QTMAN: variants seen among roughly 807,000 people sequenced by gnomAD.
QTMAN encodes queuosine-tRNA mannosyltransferase, also known as tRNA-queuosine alpha-mannosyltransferase.
chr2:144,109,262 T>A, the QTMAN span, among the ~76,000 whole-genome samples: 1 of 152,202 alleles, frequency 6.6e-6, no homozygotes, highest in African/African-American at 2.4e-5. Flanking sequence ...CCATCTGATC[T>A]TTGACAAACC....
chr2:144,185,419 G>A, the QTMAN span, among the ~76,000 whole-genome samples: 3 of 152,150 alleles, frequency 2.0e-5, no homozygotes, highest in Non-Finnish European at 4.4e-5. Context: ...TACCCTCTAA[G>A]AAGTAGATTT....
the QTMAN span, among the ~76,000 whole-genome samples, chr2:144,285,499 A>G: frequency 6.6e-6 from 1 of 152,314 alleles, no homozygotes; most frequent in East Asian, 1.9e-4. Context: ...GAGGTTAAGT[A>G]ACTGTCCCTC....
chr2:143,946,579 C>T, the QTMAN span: 2 of 153,934 alleles, frequency 1.3e-5, no homozygotes, highest in African/African-American at 4.8e-5. Context: ...CGATGATAAC[C>T]TGGCAACCTA....
At chr2:144,073,167 A>AT in the QTMAN span, among the ~76,000 whole-genome samples, 5 of 151,884 alleles carry the variant, frequency 3.3e-5, no homozygotes, top group Non-Finnish European at 7.4e-5. Context: ...ACAGCTATAT[A>AT]TTGTCACCCA....
the QTMAN span, among the ~76,000 whole-genome samples, chr2:143,964,852 G>A: frequency 6.6e-6 from 1 of 152,022 alleles, no homozygotes; most frequent in Non-Finnish European, 1.5e-5. Flanking sequence ...CAGGTTTTTG[G>A]TTTCCTTGTA....
the QTMAN span, among the ~76,000 whole-genome samples, chr2:144,209,197 A>G: frequency 6.6e-6 from 1 of 152,242 alleles, no homozygotes; most frequent in Admixed American, 6.5e-5. Context: ...AGTCTTGGAC[A>G]GTCACTGAAC....
the QTMAN span, among the ~76,000 whole-genome samples, chr2:144,242,063 T>TA: frequency 7.7e-3 from 1,168 of 151,526 alleles, 21 homozygotes; most frequent in Non-Finnish European, 8.8e-3. Context: ...AAACAAGGAG[T>TA]AAAAAGTTTC....
At chr2:144,327,045 C>T in the QTMAN span, among the ~76,000 whole-genome samples, 1 of 152,096 alleles carries the variant, frequency 6.6e-6, no homozygotes, top group African/African-American at 2.4e-5. Flanking sequence ...TTCTCCTGCC[C>T]CAAGACAGAC....
chr2:144,095,555 C>A, the QTMAN span, among the ~76,000 whole-genome samples: 4 of 152,216 alleles, frequency 2.6e-5, no homozygotes, highest in East Asian at 7.7e-4. Flanking sequence ...CTTGTCATAA[C>A]TCCTATCTCT....
the QTMAN span, among the ~76,000 whole-genome samples, chr2:144,092,932 G>A: frequency 1.3e-5 from 2 of 148,978 alleles, no homozygotes; most frequent in African/African-American, 5.0e-5. Context: ...AGTATCTGGG[G>A]AAAACCACCA....
the QTMAN span, among the ~76,000 whole-genome samples, chr2:144,243,940 G>T: frequency 6.6e-6 from 1 of 152,276 alleles, no homozygotes; most frequent in East Asian, 1.9e-4. Context: ...AAGCATTAAA[G>T]AACTTGTTTA....
the QTMAN span, among the ~76,000 whole-genome samples, chr2:144,244,272 T>G: frequency 1.3e-5 from 2 of 152,140 alleles, no homozygotes; most frequent in South Asian, 2.1e-4. Context: ...ACAACAACAT[T>G]GGGGAAGTTT....
the QTMAN span, among the ~76,000 whole-genome samples, chr2:144,181,154 T>C: frequency 6.6e-6 from 1 of 152,356 alleles, no homozygotes; most frequent in East Asian, 1.9e-4. Context: ...ACAAGACTAT[T>C]ACTGCTGGAA....
the QTMAN span, among the ~76,000 whole-genome samples, chr2:144,248,195 T>G: frequency 6.6e-6 from 1 of 152,212 alleles, no homozygotes; most frequent in Non-Finnish European, 1.5e-5. Flanking sequence ...ACATTTTATC[T>G]GTGATAGTTA....
At chr2:144,091,832 G>A in the QTMAN span, among the ~76,000 whole-genome samples, 31 of 152,086 alleles carry the variant, frequency 2.0e-4, no homozygotes, top group Non-Finnish European at 3.2e-4. Context: ...TCCATACAAC[G>A]ACATACTAAT....
chr2:144,007,473 C>G, the QTMAN span: 3 of 1,611,752 alleles, frequency 1.9e-6, no homozygotes, highest in Admixed American at 1.7e-5. Flanking sequence ...CAGAACCGCA[C>G]CGCCATTTCC....
the QTMAN span, among the ~76,000 whole-genome samples, chr2:143,954,076 T>G: frequency 6.6e-6 from 1 of 152,094 alleles, no homozygotes; most frequent in South Asian, 2.1e-4. Flanking sequence ...CAATTATTAA[T>G]TTCAGAATGC....
At chr2:143,976,047 T>C in the QTMAN span, among the ~76,000 whole-genome samples, 1 of 152,216 alleles carries the variant, frequency 6.6e-6, no homozygotes, top group Admixed American at 6.5e-5. Flanking sequence ...CACCTGATCA[T>C]AATCTTACTT....
At chr2:143,988,576 TACA>T in the QTMAN span, among the ~76,000 whole-genome samples, 1 of 152,238 alleles carries the variant, frequency 6.6e-6, no homozygotes, top group Non-Finnish European at 1.5e-5. Flanking sequence ...ATTTCATCTT[TACA>T]ACAACTCTAC....
Sources: allele counts gnomAD v4.1 joint callset (sites outside exome capture counted in the v4.1 genomes callset), GRCh38; gene constraint gnomAD v4.1.1; transcripts MANE v1.5; gene names NCBI Gene and HGNC (gene_info 2026-07-23, HGNC 2026-07-21).